Variants in CFHR5 observed in about 807,000 individuals in gnomAD.
The protein encoded by CFHR5 is complement factor H related 5.
Under a neutral mutation model 62.9 loss-of-function variants are expected in CFHR5, and 73 were observed. The ratio of observed to expected loss-of-function variants is 1.16; its 90% confidence interval spans 0.96 to 1.41. The LOEUF (loss-of-function observed/expected upper bound fraction) is 1.41, where lower values mean the gene tolerates loss of function less well. CFHR5 is among the 40% of genes most tolerant of loss of function. CFHR5 has a pLI of 0.00. For missense variants in CFHR5, 779 were observed against 679.9 expected (o/e 1.15, Z -1.62); for synonymous variants, 249 against 227.2 (o/e 1.10, Z -0.86).
At position 196,984,018 on chromosome 1, in the gene CFHR5, A is replaced by T. The variant is rs1371505412; in HGVS notation, c.311A>T (p.His104Leu). Residue 104 changes from histidine (H) to leucine (L), a missense_variant, in exon 3 of 10, where the codon CAT becomes CTT. His to Leu is a moderately conservative substitution (Grantham distance 99, BLOSUM62 -3). Transcript: ENST00000256785. ...NGHSESSGLI[H>L]LEGDTVQIIC... ...CATTCTGAATCTTCAGGACTAATACATCTGGAAGGTGATACTGTACAAATT... is the reference window on the plus strand; with the variant it reads ...CATTCTGAATCTTCAGGACTAATACTTCTGGAAGGTGATACTGTACAAATT... The T allele has an allele frequency of 6.2e-6, 10 of 1,612,846 alleles. No homozygotes were observed. The highest frequency in any genetic ancestry group is 8.5e-6 in the Non-Finnish European group (10 of 1,179,042).
In CFHR5 at chr1:197,002,545, C is replaced by A. The variant is rs759190638; in HGVS notation, c.1211C>A (p.Thr404Lys). ...QIPNAQNMTT[T>K]VNYQDGEKVA... The stretch of plus-strand genomic sequence containing the variant: ...CCTAATGCTCAGAATATGACAACCA[C>A]AGTGAATTATCAGGATGGAGAAAAA... The change falls in exon 8 of 10, where the codon ACA becomes AAA. Residue 404 changes from threonine to lysine, a missense_variant. Thr to Lys is a moderately conservative substitution (Grantham distance 78, BLOSUM62 -1). Coordinates refer to ENST00000256785, the MANE Select transcript of CFHR5 (RefSeq NM_030787.4). The A allele has an allele frequency of 6.2e-7, 1 of 1,613,616 alleles. No individual in the cohort carries two copies. The highest frequency in any genetic ancestry group is 1.1e-5 in the South Asian group (1 of 91,072).
chr1:196,990,004 T>C (rs1262949511), intron 3 of CFHR5, among the ~76,000 whole-genome samples: 2 of 152,158 alleles, frequency 1.3e-5, no homozygotes, highest in Non-Finnish European at 1.5e-5. Flanking sequence ...TGCAGGAGTC[T>C]AAGTCTCTTC....
chr1:197,001,391 A>T (rs1456827049), intron 7 of CFHR5, among the ~76,000 whole-genome samples: 1 of 152,078 alleles, frequency 6.6e-6, no homozygotes, highest in Non-Finnish European at 1.5e-5. Flanking sequence ...CAAATAATTT[A>T]TTAAAGATCT....
chr1:196,984,949 G>T (rs1653641981), intron 3 of CFHR5, among the ~76,000 whole-genome samples: 2 of 152,118 alleles, frequency 1.3e-5, no homozygotes, highest in African/African-American at 2.4e-5. Flanking sequence ...CCAATAAACA[G>T]CTGGGCTTTC....
rs1276256243 is a variant in CFHR5 at position 197,004,827 on chromosome 1, A to G, written c.1497A>G (p.Glu499=). 2 of 1,613,166 alleles carry G rather than the reference A, an allele frequency of 1.2e-6. No individual in the cohort carries two copies. Among genetic ancestry groups the G allele is most frequent in the Admixed American group, 1.7e-5 (1 of 60,004 alleles). The change falls in exon 9 of 10, where the codon GAA becomes GAG. Residue 499 remains glutamate (E), a synonymous_variant. Coordinates refer to ENST00000256785, the MANE Select transcript of CFHR5 (RefSeq NM_030787.4). The part of the protein sequence containing the change: ...TVTCRNKQWS[E]PPRCLDPCVV... ...CATGCAGAAATAAACAGTGGTCAGAACCACCAAGATGCCTAGGTGAGTTCT... is the reference window on the plus strand; with the variant it reads ...CATGCAGAAATAAACAGTGGTCAGAGCCACCAAGATGCCTAGGTGAGTTCT...
rs753989465 is a variant in CFHR5, at chr1:196,982,980, T to C, written c.154T>C (p.Tyr52His). The change falls in exon 2 of 10, where the codon TAT (tyrosine) becomes CAT (histidine). Residue 52 changes from tyrosine to histidine, a missense_variant. Coordinates refer to ENST00000256785, the MANE Select transcript of CFHR5 (RefSeq NM_030787.4). ...CCAAGTTCCTACAGGGGAAGTTTTCTATTACTCCTGTGAATATAATTTTGT... is the reference window on the plus strand; with the variant it reads ...CCAAGTTCCTACAGGGGAAGTTTTCCATTACTCCTGTGAATATAATTTTGT... ...FSQVPTGEVF[Y>H]YSCEYNFVSP... 3 of 1,614,010 alleles carry C rather than the reference T, an allele frequency of 1.9e-6. No individual in the cohort carries two copies. The highest frequency in any genetic ancestry group is 2.7e-5 in the African/African-American group (2 of 74,934).
rs1467075210 is a variant in CFHR5, at chr1:196,977,621, A to T, written c.-44A>T. On this transcript the variant is annotated 5_prime_UTR_variant, in exon 1 of 10. Coordinates refer to ENST00000256785, the MANE Select transcript of CFHR5 (RefSeq NM_030787.4). Reference sequence around the variant, plus strand: ...AAAGCAGATTTAAAGCAACACCACCATCACTGGAGTATTTTTAGTTATATA... The same window carrying T: ...AAAGCAGATTTAAAGCAACACCACCTTCACTGGAGTATTTTTAGTTATATA... The T allele has an allele frequency of 6.9e-7, 1 of 1,456,306 alleles. No homozygotes were observed. The highest frequency in any genetic ancestry group is 9.6e-7 in the Non-Finnish European group (1 of 1,036,900). The allele number at this position is 1,456,306 out of a possible 1,614,324, so 90.2% of individuals were successfully genotyped here.
intron 3 of CFHR5, among the ~76,000 whole-genome samples, chr1:196,992,129 C>T (rs770992620): frequency 7.2e-5 from 11 of 152,154 alleles, no homozygotes; most frequent in Non-Finnish European, 1.3e-4. Flanking sequence ...GCTGCTGCCT[C>T]ACAGGTCGAT....
chr1:197,006,710 C>CAAAAA (rs199587226), intron 9 of CFHR5, among the ~76,000 whole-genome samples: 1 of 141,868 alleles, frequency 7.0e-6, no homozygotes. Context: ...GAAACTCCGT[C>CAAAAA]AAAAAAAAAA....
At chr1:197,002,443 C>A in intron 7 of CFHR5, 39 bp from the exon 8 acceptor site, 1 of 1,538,134 alleles carries the variant, frequency 6.5e-7, no homozygotes, top group Non-Finnish European at 8.9e-7. Context: ...TTTTACTTAA[C>A]TTTTATTAAT....
rs764194328 is a variant in CFHR5 at position 196,984,086 on chromosome 1, A to G, written c.379A>G (p.Ile127Val). 1.6e-5 allele frequency: 26 copies of G among 1,613,728 alleles called. No individual in the cohort carries two copies. Among genetic ancestry groups the G allele is most frequent in the Admixed American group, 1.7e-5 (1 of 59,966 alleles). The change falls in exon 3 of 10, where the codon ATT (isoleucine) becomes GTT (valine). Residue 127 changes from isoleucine (I) to valine (V), a missense_variant. Transcript: ENST00000256785. ...CAGCCTTCAAAACAATGAGAAAAAC[A>G]TTTCGTGTGTAGAACGGGGCTGGTC... ...GYSLQNNEKNISCVERGWSTP... is the reference protein window; with the variant it reads ...GYSLQNNEKNVSCVERGWSTP...
intron 9 of CFHR5, among the ~76,000 whole-genome samples, chr1:197,006,143 T>C (rs770564029): frequency 6.6e-6 from 1 of 152,096 alleles, no homozygotes; most frequent in Non-Finnish European, 1.5e-5. Flanking sequence ...CCAGTGATCA[T>C]AAAATAAATT....
intron 7 of CFHR5, among the ~76,000 whole-genome samples, chr1:197,000,709 A>T (rs1042470714): frequency 2.6e-5 from 4 of 152,170 alleles, no homozygotes; most frequent in African/African-American, 9.7e-5. Context: ...ACAGGCCTTG[A>T]GGCTCATTCA....
intron 1 of CFHR5, among the ~76,000 whole-genome samples, chr1:196,979,280 G>GTGTGTGTGTA (rs1653476046): frequency 6.6e-6 from 1 of 150,586 alleles, no homozygotes; most frequent in African/African-American, 2.5e-5. Context: ...GTGTGTGTGT[G>GTGTGTGTGTA]TGTGTGTACA....
intron 4 of CFHR5, among the ~76,000 whole-genome samples, chr1:196,995,213 T>A (rs1446715338): frequency 6.6e-6 from 1 of 152,170 alleles, no homozygotes; most frequent in Non-Finnish European, 1.5e-5. Context: ...AATATCCTGA[T>A]TATAATAAAC....
chr1:196,991,858 G>C (rs1653855956), intron 3 of CFHR5, among the ~76,000 whole-genome samples: 1 of 152,206 alleles, frequency 6.6e-6, no homozygotes, highest in South Asian at 2.1e-4. Context: ...ACCCACTTGA[G>C]GAGGCAATCT....
intron 3 of CFHR5, 39 bp from the exon 4 acceptor site, chr1:196,994,041 A>C (rs780450285): frequency 3.5e-5 from 53 of 1,505,168 alleles, no homozygotes; most frequent in Admixed American, 6.7e-5. Context: ...TTGTTTCTGC[A>C]ATGAAAATTC....
chr1:196,975,552 A>G (rs2125022747), upstream of CFHR5, among the ~76,000 whole-genome samples: 1 of 152,310 alleles, frequency 6.6e-6, no homozygotes, highest in African/African-American at 2.4e-5. Flanking sequence ...CCAGTGAAGC[A>G]AGAGACAATG....
intron 6 of CFHR5, 126 bp from the exon 7 acceptor site, chr1:196,998,002 G>C (rs2125036304): frequency 1.6e-6 from 1 of 620,838 alleles, no homozygotes; most frequent in East Asian, 2.9e-5. Flanking sequence ...TGTCTATTTT[G>C]TGCAATGAGA....
Sources: allele counts gnomAD v4.1 joint callset (sites outside exome capture counted in the v4.1 genomes callset), GRCh38; gene constraint gnomAD v4.1.1; transcripts MANE v1.5; gene names NCBI Gene and HGNC (gene_info 2026-07-23, HGNC 2026-07-21).